Variants in GALNT10 observed in about 807,000 individuals in gnomAD.
The protein encoded by GALNT10 is GalNAc transferase 10.
A neutral mutation model predicts 75.0 loss-of-function variants in GALNT10; 41 were observed. The observed-to-expected ratio is 0.55, with a 90% CI of 0.43 to 0.71. The LOEUF is 0.71. Among genes scored for constraint, GALNT10 ranks in the 30% least tolerant of loss-of-function variants. GALNT10 has a pLI of 0.00. For missense variants in GALNT10, 727 were observed against 818.5 expected (o/e 0.89, Z 1.36); for synonymous variants, 302 against 313.0 (o/e 0.96, Z 0.37).
chr5:154,370,734 A>G (rs1755550819), intron 4 of GALNT10, among the ~76,000 whole-genome samples: 1 of 152,156 alleles, frequency 6.6e-6, no homozygotes, highest in Non-Finnish European at 1.5e-5. Flanking sequence ...GAAGCCATTG[A>G]AGGGTTTAAA....
At chr5:154,321,493 GT>G (rs940933332) in intron 3 of GALNT10, among the ~76,000 whole-genome samples, 2 of 151,504 alleles carry the variant, frequency 1.3e-5, no homozygotes, top group Non-Finnish European at 1.5e-5. Flanking sequence ...TTGTTAGTTT[GT>G]TTTTTTTATT....
chr5:154,296,376 A>G (rs928416032), intron 2 of GALNT10, among the ~76,000 whole-genome samples: 1 of 152,138 alleles, frequency 6.6e-6, no homozygotes, highest in African/African-American at 2.4e-5. Flanking sequence ...GATTACAGGT[A>G]TGAGCCACCA....
At chr5:154,342,616 T>G (rs759551862) in intron 4 of GALNT10, among the ~76,000 whole-genome samples, 13 of 152,194 alleles carry the variant, frequency 8.5e-5, no homozygotes, top group Non-Finnish European at 1.3e-4. Flanking sequence ...TGTGATAGAT[T>G]TGGATAGTGA....
intron 1 of GALNT10, among the ~76,000 whole-genome samples, chr5:154,255,268 T>TA (rs1753589520): frequency 1.3e-5 from 2 of 152,128 alleles, no homozygotes; most frequent in Admixed American, 1.3e-4. Context: ...CATCAAGGTA[T>TA]ATCCCTCAAT....
At chr5:154,205,217 A>C (rs574917275) in intron 1 of GALNT10, among the ~76,000 whole-genome samples, 1 of 152,352 alleles carries the variant, frequency 6.6e-6, no homozygotes, top group East Asian at 1.9e-4. Context: ...GGCAACAGTC[A>C]AAGGACACCG....
At chr5:154,256,833 A>G (rs909605609) in intron 1 of GALNT10, among the ~76,000 whole-genome samples, 6 of 152,106 alleles carry the variant, frequency 3.9e-5, no homozygotes, top group Admixed American at 3.3e-4. Flanking sequence ...GTGCATGCAC[A>G]CCCCATCTCC....
At chr5:154,334,678 A>G (rs1022005021) in intron 4 of GALNT10, among the ~76,000 whole-genome samples, 1 of 152,236 alleles carries the variant, frequency 6.6e-6, no homozygotes, top group African/African-American at 2.4e-5. Context: ...AGGCTATGGT[A>G]TGATCTCATT....
rs561319234 is a variant in GALNT10, at chr5:154,266,443, A to T, written c.160-28373A>T. 2.0e-5 allele frequency among the ~76,000 whole-genome samples: 3 copies of T among 152,238 alleles called. No homozygotes were observed. In the South Asian group the frequency reaches 6.2e-4, roughly 32 times the overall value. ...AATTATGGATTTCACATGCACTTGT[A>T]AGAAAAATTACAGGGAGATCCTATG... On this transcript the variant is annotated intron_variant, in intron 1 of 11. Coordinates refer to ENST00000297107, the MANE Select transcript of GALNT10 (RefSeq NM_198321.4).
intron 4 of GALNT10, among the ~76,000 whole-genome samples, chr5:154,341,150 G>A (rs1406707441): frequency 1.3e-5 from 2 of 151,082 alleles, no homozygotes; most frequent in East Asian, 3.8e-4. Context: ...GTGATTTAGT[G>A]ACATTAGTTC....
At chr5:154,333,235 G>A (rs62379897) in intron 4 of GALNT10, among the ~76,000 whole-genome samples, 9,396 of 152,176 alleles carry the variant, frequency 0.062, 369 homozygotes, top group Middle Eastern at 0.11. Flanking sequence ...TGGGAAGCCC[G>A]AGGCCTGGAG....
chr5:154,225,439 G>C (rs1014116185), intron 1 of GALNT10, among the ~76,000 whole-genome samples: 2 of 151,290 alleles, frequency 1.3e-5, no homozygotes, highest in Non-Finnish European at 2.9e-5. Flanking sequence ...CGCCCAGGCT[G>C]GAGTGCAGTG....
intron 3 of GALNT10, among the ~76,000 whole-genome samples, chr5:154,301,562 G>GTTTTTTTTTTTTTTTTTT (rs371007487): frequency 7.7e-6 from 1 of 129,678 alleles, no homozygotes; most frequent in Non-Finnish European, 1.7e-5. Flanking sequence ...TTGTTTTTTT[G>GTTTTTTTTTTTTTTTTTT]TTTTTTTTTT....
chr5:154,405,038 C>T (rs1232771228), intron 8 of GALNT10, among the ~76,000 whole-genome samples: 2 of 152,120 alleles, frequency 1.3e-5, no homozygotes, highest in Non-Finnish European at 2.9e-5. Flanking sequence ...GGGAGGGTCC[C>T]CAGAGGATAG....
chr5:154,394,503 C>G (rs972499929), intron 7 of GALNT10, among the ~76,000 whole-genome samples: 6 of 152,162 alleles, frequency 3.9e-5, no homozygotes, highest in Non-Finnish European at 7.4e-5. Flanking sequence ...CGGAAGGTGG[C>G]AGTGCCAAGG....
In GALNT10 at chr5:154,309,990, G is replaced by A. The variant is rs377179348; in HGVS notation, c.401+11911G>A. 7.4e-4 allele frequency among the ~76,000 whole-genome samples: 113 copies of A among 152,310 alleles called. No homozygotes were observed. The South Asian group carries it at 0.023, about 30-fold the overall frequency. ...GCCTAAAAATGACCCAAGACCGGACGTAGTCTGTGGCGTGCAGTGTAATGG... is the reference window on the plus strand; with the variant it reads ...GCCTAAAAATGACCCAAGACCGGACATAGTCTGTGGCGTGCAGTGTAATGG... On this transcript the variant is annotated intron_variant, in intron 3 of 11. Coordinates refer to ENST00000297107, the MANE Select transcript of GALNT10 (RefSeq NM_198321.4).
rs867379059 is a variant in GALNT10, at chr5:154,249,086, G to A, written c.160-45730G>A. ...ATCCAGCTTCTAGTTTAGTCCCTGTGTTACCAGCTATCTGATCCTAGGTAA... is the reference window on the plus strand; with the variant it reads ...ATCCAGCTTCTAGTTTAGTCCCTGTATTACCAGCTATCTGATCCTAGGTAA... On this transcript the variant is annotated intron_variant, in intron 1 of 11. Transcript: ENST00000297107. Among the ~76,000 whole-genome samples the A allele has an allele frequency of 5.3e-5, 8 of 152,344 alleles. No individual in the cohort carries two copies. In the South Asian group the frequency reaches 8.3e-4, roughly 16 times the overall value.
chr5:154,369,192 A>G (rs1264254772), intron 4 of GALNT10, among the ~76,000 whole-genome samples: 1 of 152,166 alleles, frequency 6.6e-6, no homozygotes, highest in Non-Finnish European at 1.5e-5. Context: ...GTTCGAGACC[A>G]GCCTGGCCGA....
In GALNT10 at chr5:154,358,249, C is replaced by T. The variant is rs1446560253; in HGVS notation, c.569-18028C>T. 2.0e-5 allele frequency among the ~76,000 whole-genome samples: 3 copies of T among 152,174 alleles called. No individual in the cohort carries two copies. In the East Asian group the frequency reaches 5.8e-4, roughly 29 times the overall value. On this transcript the variant is annotated intron_variant, in intron 4 of 11. Transcript: ENST00000297107. ...ATTTGAAATGTTCTGCATGGGGGGACGTGTCTCTAGTAAATGCAAATTGGG... is the reference window on the plus strand; with the variant it reads ...ATTTGAAATGTTCTGCATGGGGGGATGTGTCTCTAGTAAATGCAAATTGGG...
chr5:154,306,056 A>T (rs1184286564), intron 3 of GALNT10, among the ~76,000 whole-genome samples: 2 of 152,166 alleles, frequency 1.3e-5, no homozygotes, highest in African/African-American at 2.4e-5. Flanking sequence ...GGAGAAATTT[A>T]AAAAGCCACA....
Sources: gnomAD v4.1 joint callset for allele counts (sites outside exome capture counted in the v4.1 genomes callset) on GRCh38, gnomAD v4.1.1 for gene constraint, MANE v1.5 for transcripts, NCBI Gene and HGNC (gene_info 2026-07-23, HGNC 2026-07-21) for gene names.